The following TRIP12 variants were observed in gnomAD, a reference collection of about 807,000 sequenced individuals.
The protein encoded by TRIP12 is thyroid hormone receptor interactor 12.
In TRIP12, 25 loss-of-function variants were observed where a neutral mutation model predicts 244.2. The ratio of observed to expected loss-of-function variants is 0.10; its 90% CI spans 0.07 to 0.14. The LOEUF (loss-of-function observed/expected upper bound fraction) is 0.14. Among genes scored for constraint, TRIP12 ranks in the 10% least tolerant of loss-of-function variants. The probability of loss-of-function intolerance (pLI) is 1.00; values close to 1 mark genes in which losing one functional copy is unlikely to be tolerated. For synonymous variants in TRIP12, 905 were observed against 873.1 expected (o/e 1.04, Z -0.64); for missense variants, 1,677 against 2,486.4 (o/e 0.67, Z 6.92).
chr2:229,835,592 C>G (rs2054595472), intron 6 of TRIP12, among the ~76,000 whole-genome samples: 1 of 152,174 alleles, frequency 6.6e-6, no homozygotes, highest in South Asian at 2.1e-4. Context: ...AATAATAACA[C>G]TCATACCTCA....
At chr2:229,799,631 C>T (rs535356889) in intron 21 of TRIP12, among the ~76,000 whole-genome samples, 7 of 151,896 alleles carry the variant, frequency 4.6e-5, no homozygotes, top group South Asian at 2.1e-4. Flanking sequence ...AAAAATTAGC[C>T]GGGCGTGGTG....
At chr2:229,867,528 A>C (rs1341858642) in intron 2 of TRIP12, among the ~76,000 whole-genome samples, 1 of 151,964 alleles carries the variant, frequency 6.6e-6, no homozygotes, top group African/African-American at 2.4e-5. Flanking sequence ...CACCACTATT[A>C]ATTTTCTAAA....
In TRIP12 at chr2:229,776,410, G is replaced by A. The variant is rs866142947; in HGVS notation, c.5529+905C>T. The stretch of plus-strand genomic sequence containing the variant: ...ATGACAAATTCTGTACAGAAAAGGT[G>A]GACTTAGCCTCTTTGAATACCAATT... On this transcript the variant is annotated intron_variant, in intron 37 of 41. Transcript: ENST00000675903. Among the ~76,000 whole-genome samples the A allele has an allele frequency of 2.0e-5, 3 of 152,102 alleles. No individual in the cohort carries two copies. In the East Asian group the frequency reaches 5.8e-4, roughly 29 times the overall value.
At chr2:229,788,769 G>C in intron 32 of TRIP12, 29 bp downstream of exon 32, 1 of 1,601,006 alleles carries the variant, frequency 6.2e-7, no homozygotes. Flanking sequence ...ACATTTCCAA[G>C]GCCACCATTA....
At chr2:229,897,508 T>C (rs536377514) in intron 1 of TRIP12, among the ~76,000 whole-genome samples, 30 of 151,976 alleles carry the variant, frequency 2.0e-4, no homozygotes, top group Non-Finnish European at 4.1e-4. Context: ...ATTAGCCAGG[T>C]GTGGTGGCAT....
chr2:229,809,701 T>C (rs2046794761), intron 15 of TRIP12, among the ~76,000 whole-genome samples: 1 of 152,004 alleles, frequency 6.6e-6, no homozygotes, highest in Admixed American at 6.6e-5. Context: ...AGCACTTTCT[T>C]CAGGACCACT....
intron 30 of TRIP12, among the ~76,000 whole-genome samples, chr2:229,790,756 G>A (rs1447653188): frequency 2.0e-5 from 3 of 152,142 alleles, no homozygotes; most frequent in Non-Finnish European, 4.4e-5. Context: ...TTGTACTACT[G>A]TCATGGGTGA....
chr2:229,805,814 T>G lies in TRIP12; in HGVS notation c.2566A>C (p.Asn856His). 6.2e-7 allele frequency: 1 copy of G among 1,611,370 alleles called. No individual in the cohort carries two copies. The highest frequency in any genetic ancestry group is 8.5e-7 in the Non-Finnish European group (1 of 1,177,800). ...TCCTCATTGATTTGCTGCATAGAATTAAAATCAATAGTATAAACTCGTCCC... is the reference window on the plus strand; with the variant it reads ...TCCTCATTGATTTGCTGCATAGAATGAAAATCAATAGTATAAACTCGTCCC... ...TLGRVYTIDF[N>H]SMQQINEDTG... is the part of the protein sequence containing the mutation. Residue 856 changes from asparagine (N) to histidine (H), a missense_variant, in exon 18 of 42, where the codon AAT becomes CAT. Asn to His is a moderately conservative substitution (Grantham distance 68). Transcript: ENST00000675903.
chr2:229,853,953 T>A (rs1016955131), intron 4 of TRIP12, among the ~76,000 whole-genome samples: 2 of 152,162 alleles, frequency 1.3e-5, no homozygotes, highest in Non-Finnish European at 2.9e-5. Flanking sequence ...AATATTGACA[T>A]TTTTGTTTTC....
At chr2:229,852,292 T>A (rs16826409) in intron 4 of TRIP12, among the ~76,000 whole-genome samples, 21,520 of 152,180 alleles carry the variant, frequency 0.14, 1,600 homozygotes, top group Admixed American at 0.2. Flanking sequence ...CCATAATTAC[T>A]CAGATTTTGA....
chr2:229,791,290 T>G, intron 29 of TRIP12, 39 bp from the exon 30 acceptor site: 2 of 1,609,984 alleles, frequency 1.2e-6, no homozygotes, highest in Non-Finnish European at 1.7e-6. Flanking sequence ...AATGTAGATT[T>G]TGAAACTGAT....
At chr2:229,807,954 A>T in intron 16 of TRIP12, 90 bp from the exon 17 acceptor site, 3 of 1,395,852 alleles carry the variant, frequency 2.1e-6, no homozygotes, top group Non-Finnish European at 2.9e-6. Flanking sequence ...ACACAAACCA[A>T]AAGTTGTATT....
intron 2 of TRIP12, among the ~76,000 whole-genome samples, chr2:229,863,058 T>A (rs140054563): frequency 3.8e-4 from 57 of 151,770 alleles, no homozygotes; most frequent in African/African-American, 1.3e-3. Context: ...TGAAACCCCG[T>A]CTCTAATAAA....
At chr2:229,870,458 G>A (rs188770969) in intron 2 of TRIP12, among the ~76,000 whole-genome samples, 1 of 152,310 alleles carries the variant, frequency 6.6e-6, no homozygotes, top group African/African-American at 2.4e-5. Flanking sequence ...TACTGAGTCT[G>A]TAGTTCCCGG....
At chr2:229,893,025 A>T (rs2067772710) in intron 1 of TRIP12, among the ~76,000 whole-genome samples, 1 of 152,160 alleles carries the variant, frequency 6.6e-6, no homozygotes, top group Non-Finnish European at 1.5e-5. Context: ...TTCCATTTTG[A>T]TTCTTCTTTT....
At chr2:229,777,004 C>G (rs1028752561) in intron 37 of TRIP12, among the ~76,000 whole-genome samples, 1 of 152,054 alleles carries the variant, frequency 6.6e-6, no homozygotes, top group Non-Finnish European at 1.5e-5. Context: ...TTTACTGACT[C>G]AAATGCTAAA....
At chr2:229,807,482 C>T (rs1367103785) in intron 17 of TRIP12, 1 of 560,002 alleles carries the variant, frequency 1.8e-6, no homozygotes, top group Non-Finnish European at 3.2e-6. Flanking sequence ...ACTTAAATTA[C>T]TTGCTCCAAG....
chr2:229,864,152 T>G (rs1211408271), intron 2 of TRIP12, among the ~76,000 whole-genome samples: 2 of 151,728 alleles, frequency 1.3e-5, no homozygotes, highest in African/African-American at 2.4e-5. Context: ...AAAAAACTCA[T>G]GTCTCTGCAA....
chr2:229,837,389 C>A (rs1481151337), intron 5 of TRIP12, among the ~76,000 whole-genome samples: 1 of 152,098 alleles, frequency 6.6e-6, no homozygotes, highest in Non-Finnish European at 1.5e-5. Context: ...AACCCCAGCA[C>A]TTTGGGAGGC....
Sources: gnomAD v4.1 joint callset for allele counts (sites outside exome capture counted in the v4.1 genomes callset) on GRCh38, gnomAD v4.1.1 for gene constraint, MANE v1.5 for transcripts, NCBI Gene and HGNC (gene_info 2026-07-23, HGNC 2026-07-21) for gene names.